ESCO2: variants seen among roughly 807,000 people sequenced by gnomAD.
The protein encoded by ESCO2 is N-acetyltransferase ESCO2.
In ESCO2, 51 loss-of-function variants were observed where a neutral mutation model predicts 61.7. The ratio of observed to expected loss-of-function variants is 0.83; its 90% CI spans 0.66 to 1.04. ESCO2 has a LOEUF of 1.04. ESCO2 is among the 50% of genes least tolerant of loss of function. The pLI, the probability that ESCO2 is intolerant of heterozygous loss-of-function variation, is 0.00. For synonymous variants in ESCO2, 230 were observed against 238.2 expected, an observed-to-expected ratio of 0.97 and a Z score of 0.32; for missense variants, 692 against 686.2, an observed-to-expected ratio of 1.01 and a Z score of -0.09.
Position 27,776,926 on chromosome 8 carries a change from G to T in ESCO2, c.618G>T (p.Gln206His). 6.2e-7 allele frequency: 1 copy of T among 1,613,768 alleles called. No homozygotes were observed. The highest frequency in any genetic ancestry group is 8.5e-7 in the Non-Finnish European group (1 of 1,179,970). The change falls in exon 3 of 11, where the codon CAG becomes CAT. Residue 206 changes from glutamine to histidine, a missense_variant. Coordinates refer to ENST00000305188, the MANE Select transcript of ESCO2 (RefSeq NM_001017420.3). ...AAATAAAACCACAAGTTACACTCCA[G>T]GGTGGAGCAGCATTTTTTGTTAGAA... is the stretch of plus-strand genomic sequence containing the variant. ...SQKIKPQVTL[Q>H]GGAAFFVRKK...
downstream of ESCO2, among the ~76,000 whole-genome samples, chr8:27,815,265 T>C (rs1805787878): frequency 6.6e-6 from 1 of 152,212 alleles, no homozygotes; most frequent in Non-Finnish European, 1.5e-5. Flanking sequence ...CAAGCACTCA[T>C]TTATTCCGTT....
At chr8:27,775,704 T>C in intron 2 of ESCO2, 137 bp downstream of exon 2, 1 of 758,670 alleles carries the variant, frequency 1.3e-6, no homozygotes, top group East Asian at 2.5e-5. Context: ...ATAACCTATA[T>C]TCTAATTCTA....
intron 4 of ESCO2, among the ~76,000 whole-genome samples, chr8:27,781,349 T>C (rs1215010673): frequency 6.6e-6 from 1 of 152,166 alleles, no homozygotes; most frequent in Non-Finnish European, 1.5e-5. Flanking sequence ...TTTGTTTTTT[T>C]AGCCCACTCT....
chr8:27,788,537 C>T (rs1036857033), intron 6 of ESCO2, among the ~76,000 whole-genome samples: 1 of 151,544 alleles, frequency 6.6e-6, no homozygotes, highest in African/African-American at 2.4e-5. Context: ...TTTTTCCCCC[C>T]CCAAAGAGAT....
chr8:27,786,256 G>A (rs146315263), intron 5 of ESCO2, among the ~76,000 whole-genome samples: 29 of 152,316 alleles, frequency 1.9e-4, no homozygotes, highest in Admixed American at 5.9e-4. Flanking sequence ...TAAAGAAGGG[G>A]TCGGGAGCTC....
In ESCO2 at chr8:27,780,185, TGACA is replaced by T. The variant is rs80359856; in HGVS notation, c.876_879del (p.Asp292GlufsTer48). The T allele has an allele frequency of 5.6e-6, 9 of 1,605,962 alleles. No homozygotes were observed. Among genetic ancestry groups the T allele is most frequent in the Non-Finnish European group, 6.8e-6 (8 of 1,173,728 alleles). On this transcript the variant is annotated frameshift_variant, in exon 4 of 11. Transcript: ENST00000305188. LOFTEE classifies it high-confidence loss of function. ...AAACCTATTTTCAGGATTCATCAGA[TGACA>T]GAGTTTCTTCAAAGGAACATAAAGT...
intron 7 of ESCO2, among the ~76,000 whole-genome samples, chr8:27,789,863 G>C (rs1415274719): frequency 6.6e-6 from 1 of 151,354 alleles, no homozygotes; most frequent in Non-Finnish European, 1.5e-5. Flanking sequence ...GTTCCCACCA[G>C]AAGTTTGGTG....
At position 27,776,358 on chromosome 8, in the gene ESCO2, A is replaced by G. The variant is rs971540220; in HGVS notation, c.54-4A>G. The G allele has an allele frequency of 6.3e-7, 1 of 1,599,694 alleles. No homozygotes were observed. The highest frequency in any genetic ancestry group is 8.5e-7 in the Non-Finnish European group (1 of 1,171,854). The stretch of plus-strand genomic sequence containing the variant: ...TTATCAATGGACTTTGTTTCTTTTT[A>G]TAGCCTTTTACACTTCACTGAAAAT... On this transcript the variant is annotated splice_region_variant and splice_polypyrimidine_tract_variant and intron_variant, in intron 2 of 10. Coordinates refer to ENST00000305188, the MANE Select transcript of ESCO2 (RefSeq NM_001017420.3).
chr8:27,779,157 C>T (rs890290018), intron 3 of ESCO2: 2 of 152,240 alleles, frequency 1.3e-5, no homozygotes, highest in Admixed American at 6.5e-5. Context: ...TTGTGATCCA[C>T]CTGCCTTGGC....
downstream of ESCO2, chr8:27,810,490 C>T (rs1805655328): frequency 6.3e-7 from 1 of 1,598,962 alleles, no homozygotes; most frequent in African/African-American, 1.3e-5. Flanking sequence ...TCACTTTCAT[C>T]AAAAGTTTTA....
intron 4 of ESCO2, among the ~76,000 whole-genome samples, chr8:27,780,986 G>C (rs1192619370): frequency 6.6e-6 from 1 of 151,814 alleles, no homozygotes; most frequent in Non-Finnish European, 1.5e-5. Flanking sequence ...TGATACAATA[G>C]AAAATATAAC....
At chr8:27,817,288 G>C (rs916059659), downstream of ESCO2, among the ~76,000 whole-genome samples, 3 of 151,932 alleles carry the variant, frequency 2.0e-5, no homozygotes, top group Non-Finnish European at 2.9e-5. Flanking sequence ...AGGGTTTATG[G>C]CTACAAAGGA....
At chr8:27,791,917 TC>T (rs1345120187) in intron 7 of ESCO2, 45 bp from the exon 8 acceptor site, 1 of 1,550,194 alleles carries the variant, frequency 6.5e-7, no homozygotes, top group African/African-American at 1.4e-5. Flanking sequence ...TGGTTTTTTT[TC>T]CTCTTCACAA....
rs112451767 is a variant in ESCO2, at chr8:27,777,369, A to G, written c.861+200A>G. On this transcript the variant is annotated intron_variant, in intron 3 of 10. Transcript: ENST00000305188. ...GACCCAGGCTGTAGTGCAGTGGCAC[A>G]CTGCTCACTACAGCCTCAACCTCCT... The G allele has an allele frequency of 3.8e-3, 1,669 of 437,814 alleles. 29 individuals carry two copies. Among genetic ancestry groups the G allele is most frequent in the African/African-American group, 0.032 (1,543 of 48,582 alleles). 27.1% of individuals were successfully genotyped at this position (437,814 alleles called of 1,614,324 possible).
chr8:27,803,700 G>T lies in ESCO2; in HGVS notation c.*262G>T. The stretch of plus-strand genomic sequence containing the variant: ...ATTAGCACTCTGAATGTTTAATTAT[G>T]AAACTTTGTAGCTATAACTGGAAAA... On this transcript the variant is annotated 3_prime_UTR_variant, in exon 11 of 11. Coordinates refer to ENST00000305188, the MANE Select transcript of ESCO2 (RefSeq NM_001017420.3). 1 of 1,231,324 alleles carries T rather than the reference G, an allele frequency of 8.1e-7. No homozygotes were observed. Among genetic ancestry groups the T allele is most frequent in the Non-Finnish European group, 1.0e-6 (1 of 983,826 alleles). 76.3% of individuals were successfully genotyped at this position (1,231,324 alleles called of 1,614,324 possible). A position where few individuals can be genotyped will look rare whatever the true frequency, so the allele number is the denominator to read the frequency against.
intron 4 of ESCO2, 41 bp from the exon 5 acceptor site, chr8:27,783,959 T>G: frequency 6.6e-7 from 1 of 1,517,050 alleles, no homozygotes; most frequent in Non-Finnish European, 9.2e-7. Context: ...AGCTTTGATT[T>G]TATTTGGTAA....
upstream of ESCO2, chr8:27,772,619 CG>C (rs1269805517): frequency 1.3e-5 from 19 of 1,447,846 alleles, no homozygotes; most frequent in South Asian, 7.4e-5. Context: ...AGACTCGCGG[CG>C]GCCGCCTGGC....
At chr8:27,783,096 A>G (rs1184943986) in intron 4 of ESCO2, among the ~76,000 whole-genome samples, 2 of 152,174 alleles carry the variant, frequency 1.3e-5, no homozygotes, top group African/African-American at 2.4e-5. Context: ...ACCATACAGA[A>G]CAGTTCCTTC....
chr8:27,782,115 T>A (rs948461043), intron 4 of ESCO2, among the ~76,000 whole-genome samples: 2 of 152,208 alleles, frequency 1.3e-5, no homozygotes, highest in Non-Finnish European at 2.9e-5. Context: ...TATTCTATCC[T>A]TTTTTCATCT....
Sources: gnomAD v4.1 joint callset for allele counts (sites outside exome capture counted in the v4.1 genomes callset) on GRCh38, gnomAD v4.1.1 for gene constraint, MANE v1.5 for transcripts, NCBI Gene and HGNC (gene_info 2026-07-23, HGNC 2026-07-21) for gene names.